Variants in EGFR observed in about 807,000 individuals in gnomAD.
EGFR encodes epidermal growth factor receptor.
In EGFR, 58 loss-of-function variants were observed where a neutral mutation model predicts 143.0. The observed-to-expected ratio is 0.41, with a 90% CI of 0.33 to 0.50. The LOEUF (loss-of-function observed/expected upper bound fraction) is 0.50, where lower values mean the gene tolerates loss of function less well. EGFR is among the 20% of genes least tolerant of loss of function. The pLI is 0.39. For synonymous variants in EGFR, 613 were observed against 594.4 expected (o/e 1.03, Z -0.45); for missense variants, 1,307 against 1,579.0 (o/e 0.83, Z 2.92).
At chr7:55,089,387 T>C (rs1305180687) in intron 1 of EGFR, among the ~76,000 whole-genome samples, 1 of 152,206 alleles carries the variant, frequency 6.6e-6, no homozygotes, top group African/African-American at 2.4e-5. Context: ...TCAAATAGGA[T>C]TTTCAATGGA....
intron 1 of EGFR, among the ~76,000 whole-genome samples, chr7:55,049,614 C>T (rs1788369146): frequency 6.6e-6 from 1 of 152,116 alleles, no homozygotes. Context: ...ACCCTCTCCT[C>T]CCCTCCCCTC....
At chr7:55,156,875 G>C (rs747291686) in intron 10 of EGFR, 43 bp downstream of exon 10, 97 of 1,613,418 alleles carry the variant, frequency 6.0e-5, no homozygotes, top group Middle Eastern at 1.6e-4. Context: ...GGAAATCAGT[G>C]TTTTAGAGAG....
chr7:55,046,904 C>A (rs1366100481), intron 1 of EGFR, among the ~76,000 whole-genome samples: 2 of 152,108 alleles, frequency 1.3e-5, no homozygotes, highest in Non-Finnish European at 2.9e-5. Flanking sequence ...GTGTCCACAT[C>A]TAATTAATAG....
intron 1 of EGFR, among the ~76,000 whole-genome samples, chr7:55,083,281 C>G (rs1424581503): frequency 6.6e-6 from 1 of 152,272 alleles, no homozygotes; most frequent in African/African-American, 2.4e-5. Flanking sequence ...GCATCGCTGA[C>G]AGCCTGAAGC....
chr7:55,063,367 C>T (rs1789304677), intron 1 of EGFR, among the ~76,000 whole-genome samples: 1 of 152,036 alleles, frequency 6.6e-6, no homozygotes, highest in Non-Finnish European at 1.5e-5. Context: ...TAATTTAGAT[C>T]GAACCACATG....
intron 1 of EGFR, among the ~76,000 whole-genome samples, chr7:55,092,357 AC>A (rs1360825741): frequency 6.6e-6 from 1 of 152,200 alleles, no homozygotes; most frequent in Non-Finnish European, 1.5e-5. Context: ...TGCCTTAATT[AC>A]TTTGGCAAGA....
intron 22 of EGFR, 34 bp from the exon 23 acceptor site, chr7:55,198,683 C>T (rs2128968558): frequency 6.2e-7 from 1 of 1,613,946 alleles, no homozygotes; most frequent in Non-Finnish European, 8.5e-7. Flanking sequence ...CATTCATGAT[C>T]CCACTGCCTT....
intron 1 of EGFR, among the ~76,000 whole-genome samples, chr7:55,122,391 A>G (rs1793260051): frequency 6.6e-6 from 1 of 152,180 alleles, no homozygotes; most frequent in Non-Finnish European, 1.5e-5. Flanking sequence ...GGGCCAGTGC[A>G]GCATGTGTCC....
intron 1 of EGFR, among the ~76,000 whole-genome samples, chr7:55,055,365 C>A (rs1195357911): frequency 6.6e-6 from 1 of 152,092 alleles, no homozygotes; most frequent in African/African-American, 2.4e-5. Context: ...TAATGCATAG[C>A]TAGAGTTGAG....
chr7:55,188,236 G>A (rs1287966771), intron 20 of EGFR, among the ~76,000 whole-genome samples: 1 of 152,168 alleles, frequency 6.6e-6, no homozygotes, highest in Non-Finnish European at 1.5e-5. Flanking sequence ...CTAAGTCACT[G>A]CTCCATGAGC....
At chr7:55,066,217 ACAGC>A (rs1174982422) in intron 1 of EGFR, among the ~76,000 whole-genome samples, 1 of 152,220 alleles carries the variant, frequency 6.6e-6, no homozygotes, top group Non-Finnish European at 1.5e-5. Context: ...TCTGAAAACT[ACAGC>A]CTACATTTTT....
intron 1 of EGFR, among the ~76,000 whole-genome samples, chr7:55,133,403 C>T (rs1793963269): frequency 6.6e-6 from 1 of 152,126 alleles, no homozygotes; most frequent in Non-Finnish European, 1.5e-5. Flanking sequence ...CACCAGCTCT[C>T]CAGTAACAAA....
chr7:55,204,808 A>G (rs1372348384), intron 27 of EGFR, among the ~76,000 whole-genome samples: 2 of 145,156 alleles, frequency 1.4e-5, no homozygotes, highest in East Asian at 2.1e-4. Flanking sequence ...ACGTATACAC[A>G]CACCACATAT....
chr7:55,060,161 G>T (rs1052460320), intron 1 of EGFR, among the ~76,000 whole-genome samples: 2 of 152,218 alleles, frequency 1.3e-5, no homozygotes, highest in African/African-American at 4.8e-5. Context: ...TGCATTTTCT[G>T]ACCTTTCCCA....
intron 1 of EGFR, among the ~76,000 whole-genome samples, chr7:55,138,523 T>C (rs773993875): frequency 6.6e-6 from 1 of 152,230 alleles, no homozygotes; most frequent in Non-Finnish European, 1.5e-5. Flanking sequence ...AAAGTAACTG[T>C]GTTTAATGGC....
At position 55,154,050 on chromosome 7, in the gene EGFR, A is replaced by G. The variant is rs1057519829; in HGVS notation, c.787A>G (p.Thr263Ala). ...CCGAGACGAAGCCACGTGCAAGGAC[A>G]CCTGCCCCCCACTCATGCTCTACAA... is the stretch of plus-strand genomic sequence containing the variant. Reference protein sequence around the residue: ...KFRDEATCKDTCPPLMLYNPT... With the variant: ...KFRDEATCKDACPPLMLYNPT... The change falls in exon 7 of 28, where the codon ACC (threonine) becomes GCC (alanine). Residue 263 changes from threonine to alanine, a missense_variant. Around this residue, in one of 7 missense-constraint regions of EGFR, gnomAD observed 311 missense variants for 412.3 expected, o/e 0.75. Coordinates refer to ENST00000275493, the MANE Select transcript of EGFR (RefSeq NM_005228.5). The G allele has an allele frequency of 6.2e-7, 1 of 1,614,168 alleles. No individual in the cohort carries two copies. Among genetic ancestry groups the G allele is most frequent in the South Asian group, 1.1e-5 (1 of 91,076 alleles).
chr7:55,069,708 TA>T (rs1480729787), intron 1 of EGFR, among the ~76,000 whole-genome samples: 1 of 152,224 alleles, frequency 6.6e-6, no homozygotes, highest in Non-Finnish European at 1.5e-5. Flanking sequence ...AGCAGGCATT[TA>T]AATAGCAGAC....
At chr7:55,028,056 C>T (rs1464758760) in intron 1 of EGFR, among the ~76,000 whole-genome samples, 1 of 135,024 alleles carries the variant, frequency 7.4e-6, no homozygotes, top group African/African-American at 2.7e-5. Context: ...AGGTAAAGAC[C>T]ACTGCTTGCT....
chr7:55,063,803 C>T (rs967458252), intron 1 of EGFR, among the ~76,000 whole-genome samples: 11 of 152,268 alleles, frequency 7.2e-5, no homozygotes, highest in Middle Eastern at 3.4e-3. Context: ...ACCATCAGTG[C>T]GCTCCACAGC....
Sources: gnomAD v4.1 joint callset for allele counts (sites outside exome capture counted in the v4.1 genomes callset) on GRCh38, gnomAD v4.1.1 for gene constraint, gnomAD v4.1.1 regional missense constraint, MANE v1.5 for transcripts, NCBI Gene and HGNC (gene_info 2026-07-23, HGNC 2026-07-21) for gene names.